Variants in CNTNAP5 observed in about 807,000 individuals in gnomAD.
The protein encoded by CNTNAP5 is contactin-associated protein-like 5.
A neutral mutation model predicts 150.2 loss-of-function variants in CNTNAP5; 72 were observed. The observed-to-expected ratio is 0.48, with a 90% CI of 0.40 to 0.58. The LOEUF (loss-of-function observed/expected upper bound fraction) is 0.58. CNTNAP5 is among the 20% of genes least tolerant of loss of function. CNTNAP5 has a pLI of 0.00. For synonymous variants in CNTNAP5, 672 were observed against 619.8 expected, an observed-to-expected ratio of 1.08 and a Z score of -1.25; for missense variants, 1,636 against 1,626.2, an observed-to-expected ratio of 1.01 and a Z score of -0.10.
chr2:124,878,845 G>A (rs1465635414), intron 21 of CNTNAP5, among the ~76,000 whole-genome samples: 1 of 147,078 alleles, frequency 6.8e-6, no homozygotes, highest in Non-Finnish European at 1.5e-5. Flanking sequence ...ACCTCGCCCG[G>A]CCAATTTTTG....
At chr2:124,620,101 C>T (rs1199661217) in intron 12 of CNTNAP5, among the ~76,000 whole-genome samples, 12 of 151,820 alleles carry the variant, frequency 7.9e-5, no homozygotes, top group Non-Finnish European at 1.5e-5. Context: ...TATGTGTCCC[C>T]ACAGGGCTGT....
At chr2:124,622,915 G>T (rs535221077) in intron 12 of CNTNAP5, among the ~76,000 whole-genome samples, 2 of 152,142 alleles carry the variant, frequency 1.3e-5, no homozygotes, top group East Asian at 3.9e-4. Flanking sequence ...ATATCTACAG[G>T]GTACCAAGCT....
rs1297852749 is a variant in CNTNAP5, at chr2:124,294,747, A to G, written c.381+52354A>G. On this transcript the variant is annotated intron_variant, in intron 3 of 23. Transcript: ENST00000682447. ...CATTTTCCGGCAACAAAAAATTCGC[A>G]CTTTCACTTTAATGTGGAAGTGAGT... 2.0e-5 allele frequency among the ~76,000 whole-genome samples: 3 copies of G among 152,360 alleles called. No individual in the cohort carries two copies. In the East Asian group the frequency reaches 5.8e-4, roughly 29 times the overall value.
chr2:124,250,798 G>A (rs1204473952), intron 3 of CNTNAP5, among the ~76,000 whole-genome samples: 1 of 149,058 alleles, frequency 6.7e-6, no homozygotes, highest in African/African-American at 2.5e-5. Flanking sequence ...AATCTCTCAA[G>A]TATTTTTTTT....
intron 10 of CNTNAP5, among the ~76,000 whole-genome samples, chr2:124,561,148 A>AT (rs112364823): frequency 0.56 from 84,579 of 151,356 alleles, 24,622 homozygotes; most frequent in Non-Finnish European, 0.62. Flanking sequence ...GGGCAAAAGG[A>AT]GGTGTGGAAA....
At chr2:124,353,446 G>T (rs1689923968) in intron 3 of CNTNAP5, among the ~76,000 whole-genome samples, 1 of 151,786 alleles carries the variant, frequency 6.6e-6, no homozygotes, top group Non-Finnish European at 1.5e-5. Flanking sequence ...TGAAATTCTA[G>T]AATCACACAT....
At chr2:124,877,432 T>G (rs1274143838) in intron 21 of CNTNAP5, among the ~76,000 whole-genome samples, 3 of 152,114 alleles carry the variant, frequency 2.0e-5, no homozygotes, top group Non-Finnish European at 4.4e-5. Flanking sequence ...AGGGGTGGCC[T>G]TCACGGATTT....
intron 1 of CNTNAP5, among the ~76,000 whole-genome samples, chr2:124,196,639 G>T (rs1052388221): frequency 6.6e-6 from 1 of 152,120 alleles, no homozygotes; most frequent in African/African-American, 2.4e-5. Flanking sequence ...CATCTAGAAA[G>T]CATCCCACTT....
intron 21 of CNTNAP5, among the ~76,000 whole-genome samples, chr2:124,896,523 G>A (rs1474220628): frequency 6.6e-6 from 1 of 150,532 alleles, no homozygotes; most frequent in Non-Finnish European, 1.5e-5. Flanking sequence ...AAATGCCTTA[G>A]GAATATGGAA....
intron 4 of CNTNAP5, among the ~76,000 whole-genome samples, chr2:124,419,457 C>G (rs1369108224): frequency 6.6e-6 from 1 of 152,114 alleles, no homozygotes; most frequent in South Asian, 2.1e-4. Context: ...AAGGAACACT[C>G]TATCCAGAAA....
intron 3 of CNTNAP5, among the ~76,000 whole-genome samples, chr2:124,314,481 C>T (rs1688916573): frequency 6.6e-6 from 1 of 152,140 alleles, no homozygotes; most frequent in African/African-American, 2.4e-5. Flanking sequence ...CACATTGAGG[C>T]ACCAATTGAC....
At chr2:124,774,858 G>A (rs768659144) in intron 17 of CNTNAP5, among the ~76,000 whole-genome samples, 67 of 152,166 alleles carry the variant, frequency 4.4e-4, no homozygotes, top group African/African-American at 1.4e-3. Flanking sequence ...TAAAGTTTGC[G>A]CAAGTCAAAA....
chr2:124,179,284 T>A (rs1313913534), intron 1 of CNTNAP5, among the ~76,000 whole-genome samples: 1 of 152,088 alleles, frequency 6.6e-6, no homozygotes, highest in African/African-American at 2.4e-5. Context: ...CTTAGCCTCC[T>A]GAGTAGCTGG....
At position 124,604,814 on chromosome 2, in the gene CNTNAP5, G is replaced by T. The variant is rs557545975; in HGVS notation, c.1757-4987G>T. 2.6e-5 allele frequency among the ~76,000 whole-genome samples: 4 copies of T among 152,234 alleles called. No individual in the cohort carries two copies. The East Asian group carries it at 7.7e-4, about 29-fold the overall frequency. On this transcript the variant is annotated intron_variant, in intron 11 of 23. Coordinates refer to ENST00000682447, the MANE Select transcript of CNTNAP5 (RefSeq NM_001367498.1). ...GGAACAAGTATATCAATAACAGTAGGTTAACTAAGATGGTAAATCACCCCA... is the reference window on the plus strand; with the variant it reads ...GGAACAAGTATATCAATAACAGTAGTTTAACTAAGATGGTAAATCACCCCA...
rs928158024 is a variant in CNTNAP5, at chr2:124,095,898, C to T, written c.82+70166C>T. ...TTTAACACTCTTATGAGATAAACAT[C>T]GTTAGCCCCATTTTCTAGATGAATA... On this transcript the variant is annotated intron_variant, in intron 1 of 23. Coordinates refer to ENST00000682447, the MANE Select transcript of CNTNAP5 (RefSeq NM_001367498.1). 6.6e-5 allele frequency among the ~76,000 whole-genome samples: 10 copies of T among 152,022 alleles called. No homozygotes were observed. In the East Asian group the frequency reaches 7.7e-4, roughly 12 times the overall value.
chr2:124,130,724 A>G (rs796826916), intron 1 of CNTNAP5, among the ~76,000 whole-genome samples: 3 of 152,198 alleles, frequency 2.0e-5, no homozygotes, highest in African/African-American at 7.2e-5. Context: ...TTCAAGGCTT[A>G]TATAATTTTT....
chr2:124,148,885 CAT>C (rs1347273549), intron 1 of CNTNAP5, among the ~76,000 whole-genome samples: 40 of 151,430 alleles, frequency 2.6e-4, no homozygotes, highest in African/African-American at 8.3e-4. Context: ...TACACACACA[CAT>C]ATATGTATGT....
At chr2:124,154,502 A>G (rs1684479240) in intron 1 of CNTNAP5, among the ~76,000 whole-genome samples, 1 of 152,158 alleles carries the variant, frequency 6.6e-6, no homozygotes, top group Admixed American at 6.5e-5. Context: ...GCAGAAGTTC[A>G]CATTGTTCTT....
chr2:124,874,575 C>T (rs1677816203), intron 21 of CNTNAP5, among the ~76,000 whole-genome samples: 1 of 151,722 alleles, frequency 6.6e-6, no homozygotes, highest in African/African-American at 2.4e-5. Flanking sequence ...TAAAATATAT[C>T]AAGAAAATTT....
Sources: gnomAD v4.1 joint callset for allele counts (sites outside exome capture counted in the v4.1 genomes callset) on GRCh38, gnomAD v4.1.1 for gene constraint, MANE v1.5 for transcripts, NCBI Gene and HGNC (gene_info 2026-07-23, HGNC 2026-07-21) for gene names.